The following FGF12 variants were observed in gnomAD, a reference collection of about 807,000 sequenced individuals.
FGF12 encodes fibroblast growth factor 12.
Under a neutral mutation model 23.6 loss-of-function variants are expected in FGF12, and 14 were observed. That is an observed-to-expected ratio of 0.59 (90% CI 0.39 to 0.93). The LOEUF (loss-of-function observed/expected upper bound fraction) is 0.93, where lower values mean the gene tolerates loss of function less well. Among genes scored for constraint, FGF12 ranks in the 40% least tolerant of loss-of-function variants. The probability of loss-of-function intolerance (pLI) is 0.00; values close to 1 mark genes in which losing one functional copy is unlikely to be tolerated. For missense variants in FGF12, 175 were observed against 217.8 expected (o/e 0.80, Z 1.24); for synonymous variants, 62 against 77.3 (o/e 0.80, Z 1.04).
At chr3:192,432,620 CAAAAAAAAA>C (rs201364119) in intron 2 of FGF12, among the ~76,000 whole-genome samples, 7 of 106,734 alleles carry the variant, frequency 6.6e-5, no homozygotes, top group South Asian at 3.2e-4. Context: ...TGACATCTGG[CAAAAAAAAA>C]AAAAAAAAAA....
intron 2 of FGF12, among the ~76,000 whole-genome samples, chr3:192,363,239 TAAA>T (rs149421896): frequency 9.6e-5 from 14 of 145,658 alleles, no homozygotes; most frequent in South Asian, 4.3e-4. Flanking sequence ...AAAGTATAAT[TAAA>T]AAAAAAAAAA....
Position 192,603,122 on chromosome 3 carries a change from A to G in FGF12, c.13+124059T>C, listed in dbSNP as rs183360236. 1.2e-3 allele frequency among the ~76,000 whole-genome samples: 179 copies of G among 152,266 alleles called. 1 individual carries two copies. Among genetic ancestry groups the G allele is most frequent in the Non-Finnish European group, 1.9e-3 (128 of 68,010 alleles). ...TGGAAGCATTCCCCTTGAAAACTGGAACAAGACATGATGTCCACTCTCACC... is the reference window on the plus strand; with the variant it reads ...TGGAAGCATTCCCCTTGAAAACTGGGACAAGACATGATGTCCACTCTCACC... On this transcript the variant is annotated intron_variant, in intron 2 of 5. Coordinates refer to ENST00000445105, the MANE Select transcript of FGF12 (RefSeq NM_004113.6).
chr3:192,275,514 C>G (rs58733292), intron 4 of FGF12, among the ~76,000 whole-genome samples: 77 of 152,222 alleles, frequency 5.1e-4, no homozygotes, highest in African/African-American at 1.7e-3. Flanking sequence ...TTAGGATCTT[C>G]AAACTAAAAT....
At chr3:192,180,479 C>G (rs1034474185) in intron 4 of FGF12, among the ~76,000 whole-genome samples, 1 of 152,110 alleles carries the variant, frequency 6.6e-6, no homozygotes, top group African/African-American at 2.4e-5. Context: ...TATGACTGAA[C>G]AGGAAAATCA....
chr3:192,553,091 A>G (rs2108587398), intron 2 of FGF12, among the ~76,000 whole-genome samples: 1 of 152,298 alleles, frequency 6.6e-6, no homozygotes, highest in East Asian at 1.9e-4. Context: ...ACCAGTAAAA[A>G]TACGCTATAA....
chr3:192,514,894 C>A lies in FGF12; in HGVS notation c.14-154356G>T. 1.0e-6 allele frequency: 1 copy of A among 985,152 alleles called. No individual in the cohort carries two copies. The highest frequency in any genetic ancestry group is 1.2e-6 in the Non-Finnish European group (1 of 829,760). 61.0% of individuals were successfully genotyped at this position (985,152 alleles called of 1,614,324 possible). ...GGTGGAGGGGAGTTTGCACATGGAG[C>A]CGGAGGGAGCCCGGGCGCCGGCAGG... On this transcript the variant is annotated intron_variant, in intron 2 of 5. Transcript: ENST00000445105. This position sits in a 1 kb window ranked among gnomAD's most constrained non-coding sequence, Gnocchi z 4.9.
chr3:192,388,705 T>G (rs1482712688), intron 2 of FGF12, among the ~76,000 whole-genome samples: 1 of 152,144 alleles, frequency 6.6e-6, no homozygotes, highest in African/African-American at 2.4e-5. Context: ...TCATCATAAA[T>G]TATATTTTAA....
chr3:192,278,607 T>TTTA (rs1486808786), intron 4 of FGF12, among the ~76,000 whole-genome samples: 2 of 152,150 alleles, frequency 1.3e-5, no homozygotes, highest in African/African-American at 4.8e-5. Context: ...CCTAGAGTCT[T>TTTA]TTAAAACTCC....
intron 2 of FGF12, among the ~76,000 whole-genome samples, chr3:192,362,254 A>G (rs927376578): frequency 1.3e-5 from 2 of 152,162 alleles, no homozygotes; most frequent in Non-Finnish European, 1.5e-5. Context: ...TTTTAAAATT[A>G]TACTTTTAGT....
chr3:192,252,404 A>C (rs1201931100), intron 4 of FGF12, among the ~76,000 whole-genome samples: 4 of 129,628 alleles, frequency 3.1e-5, no homozygotes, highest in African/African-American at 1.2e-4. Context: ...TGGAGGTTGC[A>C]GTGAGCCCAG....
At chr3:192,540,583 C>T (rs1401282302) in intron 2 of FGF12, among the ~76,000 whole-genome samples, 1 of 152,056 alleles carries the variant, frequency 6.6e-6, no homozygotes, top group East Asian at 1.9e-4. Context: ...TGAGAATGAT[C>T]CATGTACTGA....
intron 4 of FGF12, among the ~76,000 whole-genome samples, chr3:192,295,696 T>C (rs538646107): frequency 2.4e-4 from 36 of 152,266 alleles, no homozygotes; most frequent in African/African-American, 8.7e-4. Flanking sequence ...AAGGTAAATC[T>C]AGATTTTCTC....
intron 4 of FGF12, among the ~76,000 whole-genome samples, chr3:192,303,458 G>T (rs2108661978): frequency 1.3e-5 from 2 of 152,298 alleles, no homozygotes; most frequent in Middle Eastern, 6.8e-3. Flanking sequence ...AAAGCCAGCA[G>T]CAGTGATCCT....
intron 4 of FGF12, among the ~76,000 whole-genome samples, chr3:192,231,862 G>A (rs1254789913): frequency 6.6e-6 from 1 of 151,992 alleles, no homozygotes; most frequent in African/African-American, 2.4e-5. Flanking sequence ...CCATCGACTA[G>A]ATTAATCAGC....
chr3:192,213,281 C>G (rs1162763120), intron 4 of FGF12, among the ~76,000 whole-genome samples: 2 of 151,756 alleles, frequency 1.3e-5, no homozygotes, highest in Non-Finnish European at 2.9e-5. Context: ...TTTTTTTTTC[C>G]CTTTTTTTTG....
chr3:192,558,333 A>G (rs1711872948), intron 2 of FGF12, among the ~76,000 whole-genome samples: 1 of 151,972 alleles, frequency 6.6e-6, no homozygotes, highest in Non-Finnish European at 1.5e-5. Flanking sequence ...CATTTACAAT[A>G]GCATCAAAAA....
At chr3:192,242,809 A>G (rs1225702706) in intron 4 of FGF12, among the ~76,000 whole-genome samples, 1 of 152,114 alleles carries the variant, frequency 6.6e-6, no homozygotes, top group Admixed American at 6.5e-5. Flanking sequence ...TTAGAAAAAG[A>G]TTAAGAAGAC....
At chr3:192,509,501 C>T (rs12152403) in intron 2 of FGF12, among the ~76,000 whole-genome samples, 130,167 of 152,192 alleles carry the variant, frequency 0.86, 55,991 homozygotes, top group Non-Finnish European at 0.9. Context: ...TAGATGTGAT[C>T]GGGAGCCTCA....
intron 2 of FGF12, among the ~76,000 whole-genome samples, chr3:192,587,898 C>A (rs778791716): frequency 6.6e-6 from 1 of 151,832 alleles, no homozygotes; most frequent in African/African-American, 2.4e-5. Context: ...TTGGGCACCA[C>A]CTTCTTAAAA....
Sources: gnomAD v4.1 joint callset for allele counts (sites outside exome capture counted in the v4.1 genomes callset) on GRCh38, gnomAD v4.1.1 for gene constraint, Gnocchi (gnomAD v3.1) non-coding constraint, MANE v1.5 for transcripts, NCBI Gene and HGNC (gene_info 2026-07-23, HGNC 2026-07-21) for gene names.